ANKRD36B: variants seen among roughly 807,000 people sequenced by gnomAD.
The protein encoded by ANKRD36B is ankyrin repeat domain-containing protein 36B.
In ANKRD36B, 37 loss-of-function variants were observed where a neutral mutation model predicts 135.7. The ratio of observed to expected loss-of-function variants is 0.27; its 90% CI spans 0.21 to 0.36. The LOEUF (loss-of-function observed/expected upper bound fraction) is 0.36, where lower values mean the gene tolerates loss of function less well. Ranked by LOEUF, ANKRD36B falls within the 10% of genes least tolerant of loss-of-function variation. The probability of loss-of-function intolerance (pLI) is 1.00; values close to 1 mark genes in which losing one functional copy is unlikely to be tolerated. For synonymous variants in ANKRD36B, 179 were observed against 348.1 expected (o/e 0.51, Z 5.41); for missense variants, 549 against 1,037.1 (o/e 0.53, Z 6.46).
chr2:97,567,781 GATAT>G (rs1290482611), intron 6 of ANKRD36B, among the ~76,000 whole-genome samples: 1 of 152,094 alleles, frequency 6.6e-6, no homozygotes, highest in Non-Finnish European at 1.5e-5. Context: ...CATTATATAT[GATAT>G]CTGCTCACTA....
At chr2:97,559,576 T>C (rs570788474) in intron 8 of ANKRD36B, among the ~76,000 whole-genome samples, 8 of 152,112 alleles carry the variant, frequency 5.3e-5, no homozygotes, top group Admixed American at 3.9e-4. Context: ...CCATGTGGTA[T>C]AATAATTTGC....
chr2:97,580,591 T>C, intron 3 of ANKRD36B, 23 bp from the exon 4 acceptor site: 2 of 1,530,424 alleles, frequency 1.3e-6, no homozygotes, highest in Non-Finnish European at 8.8e-7. Flanking sequence ...AGCAACAATT[T>C]ATAATCACAA....
intron 6 of ANKRD36B, among the ~76,000 whole-genome samples, chr2:97,566,504 A>G (rs2081441229): frequency 6.6e-6 from 1 of 152,180 alleles, no homozygotes; most frequent in African/African-American, 2.4e-5. Context: ...ATGAATTAAG[A>G]ACTCTTATTT....
chr2:97,514,962 G>T (rs2077748988), intron 37 of ANKRD36B, among the ~76,000 whole-genome samples: 1 of 76,094 alleles, frequency 1.3e-5, no homozygotes, highest in African/African-American at 4.2e-5. Flanking sequence ...GGAGTGCACT[G>T]GTGCAATCTC....
chr2:97,586,278 T>TA (rs2082985806), intron 1 of ANKRD36B, among the ~76,000 whole-genome samples: 2 of 152,182 alleles, frequency 1.3e-5, no homozygotes, highest in South Asian at 4.1e-4. Context: ...TTTCAATACT[T>TA]ACAGAATGTT....
In ANKRD36B at chr2:97,560,528, T is replaced by G. The variant is rs1236797554; in HGVS notation, c.865+137A>C. 2.0e-5 allele frequency: 26 copies of G among 1,302,714 alleles called. No homozygotes were observed. In the East Asian group the frequency reaches 5.8e-4, roughly 29 times the overall value. 80.7% of individuals were successfully genotyped at this position (1,302,714 alleles called of 1,614,324 possible). On this transcript the variant is annotated intron_variant, in intron 8 of 43. Coordinates refer to ENST00000359901, the MANE Select transcript of ANKRD36B (RefSeq NM_001393939.1). ...AGCAGTATCAGAGTCACCTGAGAAC[T>G]CACTACAAATGAAGAATCTCAGGTG... is the stretch of plus-strand genomic sequence containing the variant.
chr2:97,576,626 A>G (rs1559232860), intron 5 of ANKRD36B, among the ~76,000 whole-genome samples, 180 bp from the exon 6 acceptor site: 2 of 150,804 alleles, frequency 1.3e-5, no homozygotes, highest in African/African-American at 2.4e-5. Context: ...AAAACAGGTG[A>G]AGTACTCATG....
intron 3 of ANKRD36B, among the ~76,000 whole-genome samples, chr2:97,582,807 G>T (rs945886042): frequency 2.0e-5 from 3 of 151,872 alleles, no homozygotes; most frequent in Non-Finnish European, 4.4e-5. Context: ...AATAAAAATT[G>T]TTACTAAGAG....
rs111265462 is a variant in ANKRD36B, at chr2:97,524,856, A to C, written c.2266-1389T>G. On this transcript the variant is annotated intron_variant, in intron 35 of 43. Transcript: ENST00000359901. ...TACTTTTGTGCACAAGTAAGTCCTG[A>C]ATATATAAAGAGGTCCTTTCTATCA... 8.2e-5 allele frequency: 8 copies of C among 97,202 alleles called. 2 individuals carry two copies. The highest frequency in any genetic ancestry group is 2.3e-4 in the South Asian group (1 of 4,306). 6.0% of individuals were successfully genotyped at this position (97,202 alleles called of 1,614,324 possible). A position where few individuals can be genotyped will look rare whatever the true frequency, so the allele number is the denominator to read the frequency against.
At position 97,567,797 on chromosome 2, in the gene ANKRD36B, TCATTGACATAAATCTGTACCTAA is replaced by T. The variant is rs1208629248; in HGVS notation, c.764-6960_764-6938del. ...ATTATATATGATATCTGCTCACTAG[TCATTGACATAAATCTGTACCTAA>T]CATCCAACCAACAATATCATCATGG... On this transcript the variant is annotated intron_variant, in intron 6 of 43. Coordinates refer to ENST00000359901, the MANE Select transcript of ANKRD36B (RefSeq NM_001393939.1). 2.0e-5 allele frequency among the ~76,000 whole-genome samples: 3 copies of T among 152,166 alleles called. No individual in the cohort carries two copies. The East Asian group carries it at 5.8e-4, about 29-fold the overall frequency.
rs1279853479 is a variant in ANKRD36B, at chr2:97,509,035, T to C, written c.3873+546A>G. ...AGCCCAATACAAAGGAAGTAAGGAT[T>C]TTCATCGAAATAAAAATTTATTCAG... On this transcript the variant is annotated intron_variant, in intron 40 of 43. Coordinates refer to ENST00000359901, the MANE Select transcript of ANKRD36B (RefSeq NM_001393939.1). Among the ~76,000 whole-genome samples the C allele has an allele frequency of 2.0e-5, 2 of 99,136 alleles. 1 individual carries two copies. The highest frequency in any genetic ancestry group is 4.4e-4 in the East Asian group (2 of 4,560). The allele number at this position is 99,136 out of a possible 152,430, so 65.0% of individuals were successfully genotyped here.
rs1449298212 is a variant in ANKRD36B at position 97,496,558 on chromosome 2, G to A, written c.*7-3703C>T. 1.1e-4 allele frequency among the ~76,000 whole-genome samples: 7 copies of A among 61,308 alleles called. No homozygotes were observed. In the East Asian group the frequency reaches 1.9e-3, roughly 17 times the overall value. 40.2% of individuals were successfully genotyped at this position (61,308 alleles called of 152,430 possible). ...CTGGCTTCTAATCTTCAGAGGACAGGCTGACTCTTTATGTACTGGCTAATG... is the reference window on the plus strand; with the variant it reads ...CTGGCTTCTAATCTTCAGAGGACAGACTGACTCTTTATGTACTGGCTAATG... On this transcript the variant is annotated intron_variant, in intron 43 of 43. Transcript: ENST00000359901.
At chr2:97,566,260 G>A (rs1224440105) in intron 6 of ANKRD36B, among the ~76,000 whole-genome samples, 1 of 152,086 alleles carries the variant, frequency 6.6e-6, no homozygotes, top group Non-Finnish European at 1.5e-5. Context: ...GGCAGAGGTT[G>A]CAGTGAGCCG....
At chr2:97,587,428 G>C (rs1278148660) in intron 1 of ANKRD36B, among the ~76,000 whole-genome samples, 3 of 152,082 alleles carry the variant, frequency 2.0e-5, no homozygotes, top group Non-Finnish European at 4.4e-5. Flanking sequence ...TTGTGTGTAT[G>C]TATAATCAAA....
intron 30 of ANKRD36B, among the ~76,000 whole-genome samples, chr2:97,539,438 G>C (rs1422061398): frequency 1.0e-5 from 1 of 96,464 alleles, no homozygotes; most frequent in East Asian, 2.3e-4. Flanking sequence ...TGCTTCCACT[G>C]GTTCCTAAAG....
chr2:97,579,266 A>T (rs1375910106), intron 4 of ANKRD36B, among the ~76,000 whole-genome samples: 1 of 131,062 alleles, frequency 7.6e-6, no homozygotes, highest in Non-Finnish European at 1.8e-5. Context: ...GGTATGACAT[A>T]AAGTTGCTAA....
chr2:97,558,716 A>C (rs982597028), intron 10 of ANKRD36B, 83 bp downstream of exon 10: 2 of 1,584,892 alleles, frequency 1.3e-6, no homozygotes, highest in Non-Finnish European at 1.7e-6. Flanking sequence ...AGCTTCAATG[A>C]ATCCCCCGCT....
In ANKRD36B at chr2:97,526,155, C is replaced by A. The variant is rs187150743; in HGVS notation, c.2266-2688G>T. Among the ~76,000 whole-genome samples, 8 of 63,124 alleles carry A rather than the reference C, an allele frequency of 1.3e-4. 2 individuals are homozygous for A. The highest frequency in any genetic ancestry group is 8.3e-4 in the African/African-American group (8 of 9,596). The allele number at this position is 63,124 out of a possible 152,430, so 41.4% of individuals were successfully genotyped here. A position where few individuals can be genotyped will look rare whatever the true frequency, so the allele number is the denominator to read the frequency against. ...AGCAGCCTAACTGGGAGGCACCCCC[C>A]AGTAGGGGCAGACTGAACCTCACAT... On this transcript the variant is annotated intron_variant, in intron 35 of 43. Transcript: ENST00000359901.
At position 97,530,088 on chromosome 2, in the gene ANKRD36B, C is replaced by G. The variant is rs2078483765; in HGVS notation, c.2265+2223G>C. 2.1e-5 allele frequency among the ~76,000 whole-genome samples: 2 copies of G among 95,914 alleles called. 1 individual carries two copies. The highest frequency in any genetic ancestry group is 6.3e-5 in the African/African-American group (2 of 31,794). 62.9% of individuals were successfully genotyped at this position (95,914 alleles called of 152,430 possible). ...TCATATGGAACCAAAAAAGAGCCCG[C>G]ATCACCACATCAATCCTAAGCCAAA... On this transcript the variant is annotated intron_variant, in intron 35 of 43. Coordinates refer to ENST00000359901, the MANE Select transcript of ANKRD36B (RefSeq NM_001393939.1).
Sources: gnomAD v4.1 joint callset for allele counts (sites outside exome capture counted in the v4.1 genomes callset) on GRCh38, gnomAD v4.1.1 for gene constraint, MANE v1.5 for transcripts, NCBI Gene and HGNC (gene_info 2026-07-23, HGNC 2026-07-21) for gene names.